FOXP1: variants seen among roughly 807,000 people sequenced by gnomAD.
FOXP1 encodes forkhead box P1.
FOXP1 carries 15 observed loss-of-function variants against 98.2 expected under a neutral mutation model. The ratio of observed to expected loss-of-function variants is 0.15; its 90% CI spans 0.10 to 0.24. FOXP1 has a LOEUF of 0.24. Among genes scored for constraint, FOXP1 ranks in the 10% least tolerant of loss-of-function variants. The pLI, the probability that FOXP1 is intolerant of heterozygous loss-of-function variation, is 1.00. For missense variants in FOXP1, 633 were observed against 848.5 expected (o/e 0.75, Z 3.15); for synonymous variants, 371 against 314.5 (o/e 1.18, Z -1.90).
At chr3:71,271,624 A>T (rs1236239559) in intron 5 of FOXP1, among the ~76,000 whole-genome samples, 1 of 152,242 alleles carries the variant, frequency 6.6e-6, no homozygotes, top group African/African-American at 2.4e-5. Flanking sequence ...CACGGGTAAT[A>T]GCATCTACTG....
intron 3 of FOXP1, among the ~76,000 whole-genome samples, chr3:71,401,589 T>C (rs2081961114): frequency 6.6e-6 from 1 of 152,242 alleles, no homozygotes; most frequent in African/African-American, 2.4e-5. Flanking sequence ...GCTTCCAACA[T>C]TCCTCTCTGG....
intron 7 of FOXP1, among the ~76,000 whole-genome samples, chr3:71,072,850 T>C (rs932629231): frequency 6.6e-6 from 1 of 152,190 alleles, no homozygotes; most frequent in African/African-American, 2.4e-5. Flanking sequence ...CCATCTCAGA[T>C]TGAAGCCACA....
At chr3:71,569,598 T>A (rs1415239370) in intron 2 of FOXP1, among the ~76,000 whole-genome samples, 1 of 152,164 alleles carries the variant, frequency 6.6e-6, no homozygotes, top group Non-Finnish European at 1.5e-5. Context: ...ATCATCTATA[T>A]ATTTTATATT....
rs891313529 is a variant in FOXP1, at chr3:70,958,202, A to C, written c.*1045T>G. On this transcript the variant is annotated 3_prime_UTR_variant, in exon 21 of 21. Coordinates refer to ENST00000649528, the MANE Select transcript of FOXP1 (RefSeq NM_001349338.3). Reference sequence around the variant, plus strand: ...CATTTATTAATGGTTGCTGCAAAAAAAAAAAAAGAAAAGAAAAGAAAAAAA... The same window carrying C: ...CATTTATTAATGGTTGCTGCAAAAACAAAAAAAGAAAAGAAAAGAAAAAAA... 1 of 438,840 alleles carries C rather than the reference A, an allele frequency of 2.3e-6. No homozygotes were observed. The highest frequency in any genetic ancestry group is 3.1e-5 in the Admixed American group (1 of 32,186). The allele number at this position is 438,840 out of a possible 1,614,324, so 27.2% of individuals were successfully genotyped here.
At chr3:71,283,582 G>C (rs1020106873) in intron 5 of FOXP1, among the ~76,000 whole-genome samples, 1 of 152,200 alleles carries the variant, frequency 6.6e-6, no homozygotes, top group African/African-American at 2.4e-5. Flanking sequence ...TAGCTGCTGA[G>C]GATAACAGAG....
chr3:71,260,119 G>C (rs2068977167), intron 5 of FOXP1, among the ~76,000 whole-genome samples: 1 of 152,144 alleles, frequency 6.6e-6, no homozygotes, highest in Non-Finnish European at 1.5e-5. Context: ...GAGTAGCTGG[G>C]ACTACAGGCA....
At chr3:71,502,892 A>G (rs894666134) in intron 2 of FOXP1, among the ~76,000 whole-genome samples, 1 of 152,140 alleles carries the variant, frequency 6.6e-6, no homozygotes, top group African/African-American at 2.4e-5. Context: ...AATGTTTCAA[A>G]GAATGAAGAA....
At chr3:71,128,113 G>A (rs1248096474) in intron 6 of FOXP1, among the ~76,000 whole-genome samples, 1 of 152,110 alleles carries the variant, frequency 6.6e-6, no homozygotes, top group Non-Finnish European at 1.5e-5. Context: ...GTGATTTATA[G>A]GTCTTGATAC....
intron 6 of FOXP1, among the ~76,000 whole-genome samples, chr3:71,177,469 T>C (rs1039885530): frequency 2.0e-5 from 3 of 152,104 alleles, no homozygotes; most frequent in Non-Finnish European, 2.9e-5. Context: ...GCAGGCAAAA[T>C]GGGAGAAATC....
chr3:71,195,632 C>A (rs545887225), intron 6 of FOXP1, among the ~76,000 whole-genome samples: 1 of 152,146 alleles, frequency 6.6e-6, no homozygotes, highest in African/African-American at 2.4e-5. Flanking sequence ...GTGCCCCTGG[C>A]GAGGAATGGG....
intron 10 of FOXP1, among the ~76,000 whole-genome samples, chr3:71,043,436 C>T (rs1215014454): frequency 6.6e-6 from 1 of 152,132 alleles, no homozygotes; most frequent in African/African-American, 2.4e-5. Context: ...TTTTCCAACA[C>T]CTTTCGAAGT....
chr3:71,143,017 G>T (rs1324133850), intron 6 of FOXP1, among the ~76,000 whole-genome samples: 1 of 152,122 alleles, frequency 6.6e-6, no homozygotes, highest in Admixed American at 6.5e-5. Context: ...CACAAGGAAC[G>T]ACATGGTGAC....
chr3:70,994,155 C>T (rs2041036177), intron 13 of FOXP1, among the ~76,000 whole-genome samples: 2 of 151,604 alleles, frequency 1.3e-5, no homozygotes, highest in South Asian at 4.2e-4. Flanking sequence ...TGGCATACAG[C>T]AGGAGCTCAA....
At chr3:71,043,034 T>G (rs1249691170) in intron 10 of FOXP1, among the ~76,000 whole-genome samples, 3 of 151,964 alleles carry the variant, frequency 2.0e-5, no homozygotes, top group East Asian at 3.9e-4. Flanking sequence ...CAAAGAGGAG[T>G]AAATTATTGC....
chr3:71,423,307 C>T lies in FOXP1; in HGVS notation c.-167-64063G>A, dbSNP rs77870664. ...AAGCGCATCGCAGAGCAAGACCAAG[C>T]GTGCATCCAAAGTGAGAAGGCTCCA... On this transcript the variant is annotated intron_variant, in intron 3 of 20. Coordinates refer to ENST00000649528, the MANE Select transcript of FOXP1 (RefSeq NM_001349338.3). Among the ~76,000 whole-genome samples the T allele has an allele frequency of 3.2e-3, 484 of 152,272 alleles. 27 individuals carry two copies. The East Asian group carries it at 0.091, about 29-fold the overall frequency.
intron 6 of FOXP1, among the ~76,000 whole-genome samples, chr3:71,181,758 C>A (rs553653843): frequency 6.6e-6 from 1 of 151,994 alleles, no homozygotes; most frequent in South Asian, 2.1e-4. Context: ...TGTGGCCGGG[C>A]GCGGTGGCTC....
At chr3:71,507,946 A>C (rs2041944317) in intron 2 of FOXP1, among the ~76,000 whole-genome samples, 1 of 152,252 alleles carries the variant, frequency 6.6e-6, no homozygotes, top group Non-Finnish European at 1.5e-5. Flanking sequence ...AGCACATTAC[A>C]TATGCTAGGC....
intron 5 of FOXP1, among the ~76,000 whole-genome samples, chr3:71,246,649 T>C (rs891450666): frequency 1.3e-5 from 2 of 152,218 alleles, no homozygotes; most frequent in African/African-American, 2.4e-5. Context: ...ATGCCACTTA[T>C]CTGCACTGCT....
At chr3:70,991,443 T>A (rs1462290389) in intron 13 of FOXP1, among the ~76,000 whole-genome samples, 1 of 152,200 alleles carries the variant, frequency 6.6e-6, no homozygotes. Flanking sequence ...AGGAGTTCCA[T>A]TCAACATCCT....
Sources: allele counts gnomAD v4.1 joint callset (sites outside exome capture counted in the v4.1 genomes callset), GRCh38; gene constraint gnomAD v4.1.1; transcripts MANE v1.5; gene names NCBI Gene and HGNC (gene_info 2026-07-23, HGNC 2026-07-21).